Variants in C10orf67 observed in about 807,000 individuals in gnomAD.
C10orf67 encodes the protein uncharacterized protein C10orf67, mitochondrial.
A neutral mutation model predicts 35.6 loss-of-function variants in C10orf67; 60 were observed. The observed-to-expected ratio is 1.68, with a 90% CI of 1.37 to 2.09. The LOEUF (loss-of-function observed/expected upper bound fraction) is 2.09. Ranked by LOEUF, C10orf67 falls within the 30% of genes most tolerant of loss-of-function variation. The probability of loss-of-function intolerance (pLI) is 0.00; values close to 1 mark genes in which losing one functional copy is unlikely to be tolerated. For synonymous variants in C10orf67, 167 were observed against 115.8 expected (o/e 1.44, Z -2.84); for missense variants, 474 against 330.2 (o/e 1.44, Z -3.38).
intron 1 of C10orf67, 43 bp downstream of exon 1, chr10:23,344,526 C>T (rs1217474470): frequency 2.0e-6 from 3 of 1,536,316 alleles, no homozygotes; most frequent in Non-Finnish European, 2.6e-6. Context: ...GCCCCTGGAC[C>T]CTGCTCGCTT....
In C10orf67 at chr10:23,322,518, A is replaced by G; in HGVS notation, c.347T>C (p.Val116Ala). 2 of 1,606,880 alleles carry G rather than the reference A, an allele frequency of 1.2e-6. No individual in the cohort carries two copies. The highest frequency in any genetic ancestry group is 1.7e-4 in the Middle Eastern group (1 of 5,884). ...CAATTGTTTGAGGAACCCAAAATCT[A>G]CCTGGAGGGATTTCATCATCTAAAA... ...KLAQMMKSLQ[V>A]DFGFLKQLLQ... Residue 116 changes from valine (V) to alanine (A), a missense_variant, in exon 3 of 16, where the codon GTA (valine) becomes GCA (alanine). By Grantham distance (64) the Val-to-Ala change is moderately conservative. Coordinates refer to ENST00000636213, the MANE Select transcript of C10orf67 (RefSeq NM_001371909.1).
chr10:23,330,009 GCCATAT>G (rs1845384133), intron 2 of C10orf67, among the ~76,000 whole-genome samples: 1 of 152,120 alleles, frequency 6.6e-6, no homozygotes, highest in East Asian at 1.9e-4. Flanking sequence ...AAGGAGAAAA[GCCATAT>G]GAGTGCATGA....
At chr10:23,253,470 G>A (rs1842516024) in intron 10 of C10orf67, among the ~76,000 whole-genome samples, 1 of 151,996 alleles carries the variant, frequency 6.6e-6, no homozygotes, top group Non-Finnish European at 1.5e-5. Context: ...AAATCACCAG[G>A]GGAAGAGCCC....
chr10:23,276,014 A>T (rs1843176395), intron 8 of C10orf67, among the ~76,000 whole-genome samples: 1 of 152,128 alleles, frequency 6.6e-6, no homozygotes, highest in African/African-American at 2.4e-5. Context: ...GAATCCCTGG[A>T]GTAATAGAAG....
chr10:23,342,218 C>CCCCACACACA lies in C10orf67; in HGVS notation c.206+2350_206+2351insTGTGTGTGGG, dbSNP rs1554819311. Among the ~76,000 whole-genome samples, 6 of 149,692 alleles carry CCCCACACACA rather than the reference C, an allele frequency of 4.0e-5. No homozygotes were observed. The East Asian group carries it at 6.0e-4, about 15-fold the overall frequency. Reference sequence around the variant, plus strand: ...TAAATCACAGCTCCCTCCCCACTTGCCACACACACACACACACACACACTC... The same window carrying CCCCACACACA: ...TAAATCACAGCTCCCTCCCCACTTGCCCCACACACACACACACACACACACACACACACTC... On this transcript the variant is annotated intron_variant, in intron 1 of 15. Coordinates refer to ENST00000636213, the MANE Select transcript of C10orf67 (RefSeq NM_001371909.1).
chr10:23,203,718 G>C lies in C10orf67; in HGVS notation c.*455C>G, dbSNP rs1442509171. On this transcript the variant is annotated 3_prime_UTR_variant, in exon 16 of 16. Coordinates refer to ENST00000636213, the MANE Select transcript of C10orf67 (RefSeq NM_001371909.1). ...ATGAATCTTGCTTGAGGAAATGTACGATCTCCCTGTAGTCTTCATGACCTA... is the reference window on the plus strand; with the variant it reads ...ATGAATCTTGCTTGAGGAAATGTACCATCTCCCTGTAGTCTTCATGACCTA... 1 of 152,680 alleles carries C rather than the reference G, an allele frequency of 6.5e-6. No homozygotes were observed. The highest frequency in any genetic ancestry group is 1.5e-5 in the Non-Finnish European group (1 of 68,358). 9.5% of individuals were successfully genotyped at this position (152,680 alleles called of 1,614,324 possible).
intron 4 of C10orf67, among the ~76,000 whole-genome samples, chr10:23,305,618 A>G (rs1239192800): frequency 6.6e-6 from 1 of 152,240 alleles, no homozygotes; most frequent in Admixed American, 6.5e-5. Flanking sequence ...ATGAGATATT[A>G]CCTCATTATG....
At chr10:23,329,797 C>CAAAAAAAAAA (rs398013008) in intron 2 of C10orf67, among the ~76,000 whole-genome samples, 1,431 of 47,562 alleles carry the variant, frequency 0.03, 46 homozygotes, top group Non-Finnish European at 0.041. Flanking sequence ...GAACTTGTCT[C>CAAAAAAAAAA]AAAAAAAAAA....
chr10:23,343,394 G>A (rs1270611233), intron 1 of C10orf67, among the ~76,000 whole-genome samples: 1 of 152,142 alleles, frequency 6.6e-6, no homozygotes, highest in Non-Finnish European at 1.5e-5. Context: ...GTGCAGAAGG[G>A]ACCCTCATCA....
chr10:23,211,480 G>GTGT (rs1193681718), intron 15 of C10orf67, among the ~76,000 whole-genome samples: 2,204 of 117,384 alleles, frequency 0.019, 20 homozygotes, highest in Middle Eastern at 0.035. Context: ...TGTGTGTGTG[G>GTGT]GGGGGGGGGG....
intron 4 of C10orf67, among the ~76,000 whole-genome samples, chr10:23,308,422 T>C (rs1324479293): frequency 1.3e-5 from 2 of 152,222 alleles, no homozygotes; most frequent in East Asian, 3.8e-4. Context: ...TAGCCTGGTA[T>C]ACAAAACGGC....
chr10:23,281,018 A>T (rs1224368589), intron 8 of C10orf67, among the ~76,000 whole-genome samples: 1 of 152,206 alleles, frequency 6.6e-6, no homozygotes, highest in Non-Finnish European at 1.5e-5. Context: ...AGTAGACTCA[A>T]ATAATGGAGT....
In C10orf67 at chr10:23,209,998, T is replaced by TAAA. The variant is rs59247961; in HGVS notation, c.1571-5746_1571-5744dup. Among the ~76,000 whole-genome samples the TAAA allele has an allele frequency of 1.3e-3, 84 of 67,198 alleles. 1 individual carries two copies. In the East Asian group the frequency reaches 0.015, roughly 12 times the overall value. The allele number at this position is 67,198 out of a possible 152,430, so 44.1% of individuals were successfully genotyped here. On this transcript the variant is annotated intron_variant, in intron 15 of 15. Coordinates refer to ENST00000636213, the MANE Select transcript of C10orf67 (RefSeq NM_001371909.1). ...TTGGGCAATAGAGCCAGACCTTGGCTAAAAAAAAAAAAAAAAAAAAAAAAG... is the reference window on the plus strand; with the variant it reads ...TTGGGCAATAGAGCCAGACCTTGGCTAAAAAAAAAAAAAAAAAAAAAAAAAAAG...
At chr10:23,222,825 A>G (rs1047005172) in intron 15 of C10orf67, among the ~76,000 whole-genome samples, 1 of 152,140 alleles carries the variant, frequency 6.6e-6, no homozygotes, top group African/African-American at 2.4e-5. Context: ...GCATGGTGGT[A>G]CTCACCTGTT....
intron 5 of C10orf67, among the ~76,000 whole-genome samples, chr10:23,298,374 C>T (rs886996979): frequency 2.0e-5 from 3 of 152,158 alleles, no homozygotes; most frequent in South Asian, 2.1e-4. Flanking sequence ...TGTGAGGACT[C>T]CTAGAGCTAT....
intron 13 of C10orf67, among the ~76,000 whole-genome samples, chr10:23,232,803 C>T (rs1841946683): frequency 6.6e-6 from 1 of 152,028 alleles, no homozygotes; most frequent in Non-Finnish European, 1.5e-5. Context: ...GTATCTGACC[C>T]ACAATAGTGT....
At chr10:23,246,079 G>A (rs1441315568) in intron 12 of C10orf67, among the ~76,000 whole-genome samples, 7 of 152,136 alleles carry the variant, frequency 4.6e-5, no homozygotes, top group South Asian at 2.1e-4. Context: ...AGCCATTATC[G>A]TAAACAAACT....
chr10:23,312,942 T>C (rs1420367187), intron 4 of C10orf67, among the ~76,000 whole-genome samples: 1 of 152,212 alleles, frequency 6.6e-6, no homozygotes, highest in Non-Finnish European at 1.5e-5. Flanking sequence ...ACATCAAGTC[T>C]TTCCTGGGTC....
intron 12 of C10orf67, among the ~76,000 whole-genome samples, chr10:23,249,335 T>A (rs956346397): frequency 6.6e-6 from 1 of 151,994 alleles, no homozygotes; most frequent in Non-Finnish European, 1.5e-5. Context: ...GGAAATCAAG[T>A]GTATATTTAA....
Sources: allele counts gnomAD v4.1 joint callset (sites outside exome capture counted in the v4.1 genomes callset), GRCh38; gene constraint gnomAD v4.1.1; transcripts MANE v1.5; gene names NCBI Gene and HGNC (gene_info 2026-07-23, HGNC 2026-07-21).